NRG2: variants seen among roughly 807,000 people sequenced by gnomAD.
The protein encoded by NRG2 is pro-neuregulin-2, membrane-bound isoform.
Under a neutral mutation model 73.9 loss-of-function variants are expected in NRG2, and 27 were observed. The observed-to-expected ratio is 0.37, with a 90% confidence interval of 0.27 to 0.50. The LOEUF (loss-of-function observed/expected upper bound fraction) is 0.50. NRG2 is among the 20% of genes least tolerant of loss of function. NRG2 has a pLI of 0.96. For synonymous variants in NRG2, 532 were observed against 541.0 expected, an observed-to-expected ratio of 0.98 and a Z score of 0.23; for missense variants, 1,126 against 1,210.1, an observed-to-expected ratio of 0.93 and a Z score of 1.03.
chr5:139,971,471 G>C (rs986819144), intron 1 of NRG2, among the ~76,000 whole-genome samples: 2 of 152,152 alleles, frequency 1.3e-5, no homozygotes, highest in African/African-American at 4.8e-5. Context: ...TTGCGGGGAG[G>C]AGCTGTGGCC....
Position 139,851,618 on chromosome 5 carries a change from G to A in NRG2, c.1758C>T (p.Ser586=), listed in dbSNP as rs202082620. 1.2e-6 allele frequency: 2 copies of A among 1,613,858 alleles called. No individual in the cohort carries two copies. The highest frequency in any genetic ancestry group is 1.3e-5 in the African/African-American group (1 of 74,940). Residue 586 remains serine (S), a synonymous_variant, in exon 9 of 10, where the codon TCC becomes TCT. Coordinates refer to ENST00000361474, the MANE Select transcript of NRG2 (RefSeq NM_004883.3). The surrounding 1 kb of genome is among the most constrained non-coding windows in gnomAD (Gnocchi z 4.2). Reference sequence around the variant, plus strand: ...TAGGAACTGACCTCTCGCTGTGTGGGGAGTCGCGAAGGGAGTCCACGGAAT... The same window carrying A: ...TAGGAACTGACCTCTCGCTGTGTGGAGAGTCGCGAAGGGAGTCCACGGAAT... ...YHDSVDSLRD[S]PHSERYVSAL...
chr5:139,847,680 G>T lies in NRG2; in HGVS notation c.*237C>A. ...TTGTTGTTTCTTTTTTTTTTCCGAA[G>T]CTGTAAATCAGGATGTTACATATAA... On this transcript the variant is annotated 3_prime_UTR_variant, in exon 10 of 10. Coordinates refer to ENST00000361474, the MANE Select transcript of NRG2 (RefSeq NM_004883.3). 2 of 342,696 alleles carry T rather than the reference G, an allele frequency of 5.8e-6. No homozygotes were observed. Among genetic ancestry groups the T allele is most frequent in the Non-Finnish European group, 1.0e-5 (2 of 193,408 alleles). 21.2% of individuals were successfully genotyped at this position (342,696 alleles called of 1,614,324 possible).
In NRG2 at chr5:139,894,267, C is replaced by G. The variant is rs967994526; in HGVS notation, c.701-6756G>C. ...AGGGTTAATGATCCTCACCTCATGA[C>G]TAAGGCTGAGCAGTTCCCTTTGCAG... On this transcript the variant is annotated intron_variant, in intron 1 of 9. Coordinates refer to ENST00000361474, the MANE Select transcript of NRG2 (RefSeq NM_004883.3). This position sits in a 1 kb window ranked among gnomAD's most constrained non-coding sequence, Gnocchi z 5.0. Among the ~76,000 whole-genome samples the G allele has an allele frequency of 6.6e-6, 1 of 152,296 alleles. No individual in the cohort carries two copies. Among genetic ancestry groups the G allele is most frequent in the East Asian group, 1.9e-4 (1 of 5,176 alleles).
chr5:139,952,479 C>A (rs565481206), intron 1 of NRG2, among the ~76,000 whole-genome samples: 2 of 152,312 alleles, frequency 1.3e-5, no homozygotes, highest in South Asian at 4.1e-4. Context: ...CACCCCAAAA[C>A]CAGTGCACAA....
At chr5:140,010,507 T>C (rs72796740) in intron 1 of NRG2, among the ~76,000 whole-genome samples, 23,686 of 152,062 alleles carry the variant, frequency 0.16, 2,324 homozygotes, top group Admixed American at 0.23. Context: ...CAACAATTGA[T>C]AATTGGGACA....
Position 139,852,922 on chromosome 5 carries a change from C to A in NRG2, c.1398G>T (p.Glu466Asp), listed in dbSNP as rs761194445. Residue 466 changes from glutamate (E) to aspartate (D), a missense_variant, in exon 7 of 10, where the codon GAG (glutamate) becomes GAT (aspartate). Physicochemically the swap from Glu to Asp is conservative, Grantham distance 45. This residue lies in a region of NRG2 where 539 missense variants were observed against 703.2 expected (regional missense o/e 0.77). Coordinates refer to ENST00000361474, the MANE Select transcript of NRG2 (RefSeq NM_004883.3). This position sits in a 1 kb window ranked among gnomAD's most constrained non-coding sequence, Gnocchi z 4.4. Reference sequence around the variant, plus strand: ...CACTCACATCTGCCATCTGGATCTCCTCTGGGTCCAGCCGGGGGTGGCTGG... The same window carrying A: ...CACTCACATCTGCCATCTGGATCTCATCTGGGTCCAGCCGGGGGTGGCTGG... ...NGPSHPRLDP[E>D]EIQMADYISK... The A allele has an allele frequency of 3.1e-6, 5 of 1,613,100 alleles. No homozygotes were observed. In the Admixed American group the frequency reaches 8.4e-5, roughly 27 times the overall value.
intron 9 of NRG2, among the ~76,000 whole-genome samples, chr5:139,850,985 CTT>C (rs796642299): frequency 1.4e-5 from 2 of 144,704 alleles, no homozygotes; most frequent in Non-Finnish European, 1.5e-5. Context: ...CCTGTTTGTT[CTT>C]TTTTTTTTTT....
intron 3 of NRG2, 112 bp downstream of exon 3, chr5:139,880,744 G>T: frequency 1.4e-6 from 1 of 695,970 alleles, no homozygotes; most frequent in Non-Finnish European, 2.5e-6. Context: ...GCAGCAGGAG[G>T]GAGGGGAGTT....
intron 1 of NRG2, among the ~76,000 whole-genome samples, chr5:139,936,554 T>G (rs1251036915): frequency 1.3e-5 from 2 of 152,190 alleles, no homozygotes. Context: ...GAAGGCTTCA[T>G]GGTGAATTCT....
intron 1 of NRG2, among the ~76,000 whole-genome samples, chr5:139,951,098 A>G (rs2126463754): frequency 6.6e-6 from 1 of 152,346 alleles, no homozygotes; most frequent in African/African-American, 2.4e-5. Context: ...GATGACCCCA[A>G]GTCTGTGCTT....
At position 139,880,873 on chromosome 5, in the gene NRG2, CG is replaced by C. The variant is rs1278969054; in HGVS notation, c.973del (p.Arg325GlyfsTer7). On this transcript the variant is annotated frameshift_variant, in exon 3 of 10. Transcript: ENST00000361474. LOFTEE classifies it high-confidence loss of function. ...CCACCTACCGCTGTTGACGTAAAGC[CG>C]GCCCCGGACGGTGTCCTTCCCCAGG... ...NILGKDTVRG[R>X]LYVNSVSTTL... is the part of the protein sequence containing the mutation. The C allele has an allele frequency of 6.2e-7, 1 of 1,613,882 alleles. No individual in the cohort carries two copies. Among genetic ancestry groups the C allele is most frequent in the Admixed American group, 1.7e-5 (1 of 59,974 alleles).
chr5:140,039,797 C>A (rs529780980), intron 1 of NRG2, among the ~76,000 whole-genome samples: 1 of 152,334 alleles, frequency 6.6e-6, no homozygotes, highest in East Asian at 1.9e-4. Flanking sequence ...AGCAACAATG[C>A]AACCTCAGTT....
At chr5:139,965,691 A>G (rs1184507821) in intron 1 of NRG2, among the ~76,000 whole-genome samples, 4 of 152,210 alleles carry the variant, frequency 2.6e-5, no homozygotes, top group Non-Finnish European at 5.9e-5. Context: ...TTCTGCCAAG[A>G]TATATCTCCT....
At chr5:139,953,417 G>GA (rs1754377829) in intron 1 of NRG2, among the ~76,000 whole-genome samples, 1 of 152,144 alleles carries the variant, frequency 6.6e-6, no homozygotes, top group Admixed American at 6.5e-5. Context: ...TTCTGGCAGG[G>GA]AAGGCACTAG....
At chr5:139,986,786 T>C (rs1297532723) in intron 1 of NRG2, among the ~76,000 whole-genome samples, 1 of 152,244 alleles carries the variant, frequency 6.6e-6, no homozygotes, top group Admixed American at 6.5e-5. Context: ...ATCTTATTTA[T>C]TTTGACTAAT....
At chr5:139,898,898 C>A (rs960169658) in intron 1 of NRG2, among the ~76,000 whole-genome samples, 1 of 152,228 alleles carries the variant, frequency 6.6e-6, no homozygotes, top group African/African-American at 2.4e-5. Context: ...TAAGTGACTT[C>A]TTCAATCTGG....
At chr5:139,978,178 T>A (rs1456803294) in intron 1 of NRG2, among the ~76,000 whole-genome samples, 4 of 151,928 alleles carry the variant, frequency 2.6e-5, no homozygotes, top group Non-Finnish European at 5.9e-5. Context: ...TGGGAGAAAA[T>A]TTTTGCAATC....
chr5:139,897,815 T>C (rs2127159385), intron 1 of NRG2, among the ~76,000 whole-genome samples: 1 of 152,274 alleles, frequency 6.6e-6, no homozygotes, highest in South Asian at 2.1e-4. Context: ...GCATCTGCCC[T>C]AGAATGGCAG....
In NRG2 at chr5:139,852,644, T is replaced by C. The variant is rs1761523409; in HGVS notation, c.1417-85A>G. 3.9e-6 allele frequency: 6 copies of C among 1,549,638 alleles called. No individual in the cohort carries two copies. Among genetic ancestry groups the C allele is most frequent in the Non-Finnish European group, 5.3e-6 (6 of 1,142,166 alleles). ...TTGGGGACAGGGAAGTGATGAGCAC[T>C]GACTGAGCTCCTGGTTGGGGAGACC... On this transcript the variant is annotated intron_variant, in intron 7 of 9. Coordinates refer to ENST00000361474, the MANE Select transcript of NRG2 (RefSeq NM_004883.3). The surrounding 1 kb of genome is among the most constrained non-coding windows in gnomAD (Gnocchi z 4.4).
Sources: allele counts gnomAD v4.1 joint callset (sites outside exome capture counted in the v4.1 genomes callset), GRCh38; gene constraint gnomAD v4.1.1; regional missense constraint gnomAD v4.1.1; non-coding constraint Gnocchi (gnomAD v3.1); transcripts MANE v1.5; gene names NCBI Gene and HGNC (gene_info 2026-07-23, HGNC 2026-07-21).